Variants in ZNF730 observed in about 807,000 individuals in gnomAD.
The protein encoded by ZNF730 is zinc finger protein 730.
ZNF730 carries 12 observed loss-of-function variants against 12.6 expected under a neutral mutation model. The ratio of observed to expected loss-of-function variants is 0.95; its 90% CI spans 0.61 to 1.54. ZNF730 has a LOEUF of 1.54. ZNF730 is among the 40% of genes most tolerant of loss of function. The probability of loss-of-function intolerance (pLI) is 0.00; values close to 1 mark genes in which losing one functional copy is unlikely to be tolerated. For synonymous variants in ZNF730, 194 were observed against 195.8 expected, an observed-to-expected ratio of 0.99 and a Z score of 0.08; for missense variants, 643 against 583.5, an observed-to-expected ratio of 1.10 and a Z score of -1.05.
At chr19:23,098,368 C>G (rs1418819793) in intron 1 of ZNF730, 1 of 152,132 alleles carries the variant, frequency 6.6e-6, no homozygotes, top group Non-Finnish European at 1.5e-5. Context: ...TTCCCAGATC[C>G]TGCCAAAAGG....
At chr19:23,089,794 C>T (rs769334971) in intron 1 of ZNF730, among the ~76,000 whole-genome samples, 7 of 151,968 alleles carry the variant, frequency 4.6e-5, no homozygotes, top group Non-Finnish European at 8.8e-5. Context: ...AAAAAATAAC[C>T]GAAAATGTGG....
intron 2 of ZNF730, 67 bp from the exon 3 acceptor site, chr19:23,135,881 C>A: frequency 1.4e-6 from 2 of 1,385,996 alleles, no homozygotes; most frequent in South Asian, 1.2e-5. Context: ...ATTCTCTTTA[C>A]TGAGAGCATT....
intron 1 of ZNF730, among the ~76,000 whole-genome samples, chr19:23,081,093 G>A (rs538052170): frequency 5.3e-5 from 8 of 151,496 alleles, no homozygotes; most frequent in South Asian, 4.2e-4. Flanking sequence ...TGATCCAGCC[G>A]CCTCTGCCTC....
Position 23,146,099 on chromosome 19 carries a change from C to T in ZNF730, c.1055C>T (p.Ser352Phe). ...CEECGKAFNR[S>F]STLNRHKITH... ...GAATGTGGCAAAGCTTTTAACCGATCCTCAACCCTTAATAGACATAAGATA... is the reference window on the plus strand; with the variant it reads ...GAATGTGGCAAAGCTTTTAACCGATTCTCAACCCTTAATAGACATAAGATA... The change falls in exon 4 of 4, where the codon TCC becomes TTC. Residue 352 changes from serine (S) to phenylalanine (F), a missense_variant. Ser to Phe is a radical substitution (Grantham distance 155). Transcript: ENST00000597761. 6.2e-7 allele frequency: 1 copy of T among 1,611,826 alleles called. No homozygotes were observed. The highest frequency in any genetic ancestry group is 8.5e-7 in the Non-Finnish European group (1 of 1,179,252).
At chr19:23,099,981 A>C (rs564503909) in intron 1 of ZNF730, 1 of 152,258 alleles carries the variant, frequency 6.6e-6, no homozygotes, top group African/African-American at 2.4e-5. Flanking sequence ...GTGCTGCCGC[A>C]TAGGTGTATT....
upstream of ZNF730, among the ~76,000 whole-genome samples, chr19:23,116,718 G>A (rs1395313611): frequency 6.6e-6 from 1 of 152,042 alleles, no homozygotes; most frequent in Non-Finnish European, 1.5e-5. Flanking sequence ...ACCGCGCCCG[G>A]TCTATGTTCT....
rs745527532 is a variant in ZNF730, at chr19:23,146,236, T to G, written c.1192T>G (p.Cys398Gly). 6.2e-7 allele frequency: 1 copy of G among 1,613,234 alleles called. No individual in the cohort carries two copies. The highest frequency in any genetic ancestry group is 8.5e-7 in the Non-Finnish European group (1 of 1,179,510). Residue 398 changes from cysteine to glycine, a missense_variant, in exon 4 of 4, where the codon TGT becomes GGT. Cys to Gly is a radical substitution (Grantham distance 159). Transcript: ENST00000597761. ...TCATACTGTAGAGAAATTTTACAAA[T>G]GTGAAGAATGTGGCAAAGCCTTTAG... The part of the protein sequence containing the change: ...IIHTVEKFYK[C>G]EECGKAFSRI...
intron 1 of ZNF730, among the ~76,000 whole-genome samples, chr19:23,081,627 G>C (rs969669730): frequency 5.2e-4 from 79 of 152,080 alleles, no homozygotes; most frequent in African/African-American, 1.9e-3. Context: ...GCTAATTTTT[G>C]TATTTTCAGT....
chr19:23,112,318 A>G (rs907153320), upstream of ZNF730, among the ~76,000 whole-genome samples: 1 of 152,252 alleles, frequency 6.6e-6, no homozygotes, highest in Non-Finnish European at 1.5e-5. Flanking sequence ...TTATGGCTCT[A>G]CAAACAATAG....
chr19:23,076,991 G>C (rs1277145239), intron 1 of ZNF730, among the ~76,000 whole-genome samples: 1 of 152,106 alleles, frequency 6.6e-6, no homozygotes, highest in African/African-American at 2.4e-5. Flanking sequence ...ATACACCATG[G>C]GATATTGTGC....
chr19:23,108,621 CAGT>C (rs1454615799), intron 1 of ZNF730, among the ~76,000 whole-genome samples: 1 of 152,210 alleles, frequency 6.6e-6, no homozygotes, highest in African/African-American at 2.4e-5. Context: ...GTTTCAGGTA[CAGT>C]AGTTTTAGTA....
intron 3 of ZNF730, among the ~76,000 whole-genome samples, chr19:23,136,676 C>T (rs948663702): frequency 6.0e-5 from 9 of 149,028 alleles, no homozygotes; most frequent in East Asian, 1.9e-4. Flanking sequence ...TATTCCATGC[C>T]GTTTTATTAC....
At chr19:23,141,511 G>A (rs2145693621) in intron 3 of ZNF730, among the ~76,000 whole-genome samples, 1 of 152,320 alleles carries the variant, frequency 6.6e-6, no homozygotes, top group Admixed American at 6.5e-5. Flanking sequence ...ACGTTGCAAT[G>A]AGCTGTAATT....
In ZNF730 at chr19:23,106,903, T is replaced by C. The variant is rs189943436; in HGVS notation, c.-93-27177T>C. The stretch of plus-strand genomic sequence containing the variant: ...CAAAAACTATACACAAACTGTATTC[T>C]TGTTGTTTTTTCATAAGCATATGAA... On this transcript the variant is annotated intron_variant, in intron 1 of 2. Coordinates refer to the ZNF730 transcript ENST00000593635. 3.3e-5 allele frequency among the ~76,000 whole-genome samples: 5 copies of C among 152,284 alleles called. No homozygotes were observed. In the East Asian group the frequency reaches 9.6e-4, roughly 29 times the overall value.
intron 1 of ZNF730, among the ~76,000 whole-genome samples, chr19:23,078,732 A>C (rs1011355736): frequency 2.6e-5 from 4 of 151,998 alleles, no homozygotes; most frequent in Admixed American, 6.5e-5. Context: ...GACGAGAAAC[A>C]CCCACAGGTG....
chr19:23,132,819 T>A (rs1328051880), intron 1 of ZNF730, among the ~76,000 whole-genome samples: 1 of 152,242 alleles, frequency 6.6e-6, no homozygotes, highest in African/African-American at 2.4e-5. Flanking sequence ...TTGTTCTCCA[T>A]GGTGCTAAAG....
At chr19:23,142,419 C>T (rs1466078502) in intron 3 of ZNF730, among the ~76,000 whole-genome samples, 2 of 148,422 alleles carry the variant, frequency 1.3e-5, no homozygotes, top group Admixed American at 1.4e-4. Flanking sequence ...CGCGGTGGCT[C>T]ACTCCTGTAA....
intron 1 of ZNF730, among the ~76,000 whole-genome samples, chr19:23,124,265 C>T (rs1369815988): frequency 1.3e-5 from 2 of 152,058 alleles, no homozygotes; most frequent in South Asian, 2.1e-4. Context: ...TGAGAGGTTC[C>T]GAGAGTAAAT....
At chr19:23,094,303 C>T (rs541503823) in intron 1 of ZNF730, among the ~76,000 whole-genome samples, 7 of 144,204 alleles carry the variant, frequency 4.9e-5, no homozygotes, top group South Asian at 4.4e-4. Flanking sequence ...TTTTTTAAAT[C>T]AGGCTTTGGC....
Sources: gnomAD v4.1 joint callset for allele counts (sites outside exome capture counted in the v4.1 genomes callset) on GRCh38, gnomAD v4.1.1 for gene constraint, MANE v1.5 for transcripts, NCBI Gene and HGNC (gene_info 2026-07-23, HGNC 2026-07-21) for gene names.